NAV3: variants seen among roughly 807,000 people sequenced by gnomAD.
The protein encoded by NAV3 is pore membrane and/or filament interacting like protein 1.
A neutral mutation model predicts 244.7 loss-of-function variants in NAV3; 87 were observed. The ratio of observed to expected loss-of-function variants is 0.36; its 90% confidence interval spans 0.30 to 0.42. NAV3 has a LOEUF of 0.42. Among genes scored for constraint, NAV3 ranks in the 20% least tolerant of loss-of-function variants. NAV3 has a pLI of 1.00. For missense variants in NAV3, 2,663 were observed against 2,893.3 expected (o/e 0.92, Z 1.83); for synonymous variants, 1,126 against 1,042.2 (o/e 1.08, Z -1.55).
intron 2 of NAV3, among the ~76,000 whole-genome samples, chr12:77,629,387 G>A (rs1160467278): frequency 1.3e-5 from 2 of 152,190 alleles, no homozygotes; most frequent in African/African-American, 2.4e-5. Flanking sequence ...GTGTAATTGT[G>A]ATAACTGGCC....
intron 2 of NAV3, among the ~76,000 whole-genome samples, chr12:77,583,691 T>C (rs1333274347): frequency 6.6e-6 from 1 of 152,200 alleles, no homozygotes; most frequent in Non-Finnish European, 1.5e-5. Flanking sequence ...ACTAAGAGTA[T>C]ATGTGGATAT....
chr12:77,780,302 C>T (rs1397999202), intron 2 of NAV3, among the ~76,000 whole-genome samples: 6 of 152,088 alleles, frequency 3.9e-5, no homozygotes, highest in Non-Finnish European at 7.4e-5. Context: ...TAGGCAAGAG[C>T]CATTGTATTT....
intron 1 of NAV3, among the ~76,000 whole-genome samples, chr12:77,861,906 A>G (rs1029261168): frequency 1.3e-5 from 2 of 151,908 alleles, no homozygotes; most frequent in Non-Finnish European, 2.9e-5. Flanking sequence ...ATGTGAATAC[A>G]TATTAGGTAG....
chr12:77,974,886 T>C (rs938050264), intron 5 of NAV3, among the ~76,000 whole-genome samples: 1 of 152,178 alleles, frequency 6.6e-6, no homozygotes, highest in Non-Finnish European at 1.5e-5. Context: ...ACCAGCTATT[T>C]CCATCTTCCC....
chr12:77,587,717 C>T (rs1026439344), intron 2 of NAV3, among the ~76,000 whole-genome samples: 1 of 152,132 alleles, frequency 6.6e-6, no homozygotes, highest in South Asian at 2.1e-4. Flanking sequence ...GATTAGCATG[C>T]AGTTTAATGA....
intron 2 of NAV3, among the ~76,000 whole-genome samples, chr12:77,628,544 C>A (rs935465689): frequency 6.6e-6 from 1 of 152,082 alleles, no homozygotes; most frequent in South Asian, 2.1e-4. Context: ...CTATTAATTA[C>A]GTTATCTATT....
chr12:78,017,526 T>A (rs1432620018), intron 8 of NAV3, among the ~76,000 whole-genome samples: 2 of 152,180 alleles, frequency 1.3e-5, no homozygotes, highest in East Asian at 3.8e-4. Context: ...ATGACCATGT[T>A]GTAAATGCAC....
At chr12:77,942,657 GT>G (rs1252789074) in intron 3 of NAV3, among the ~76,000 whole-genome samples, 1 of 152,122 alleles carries the variant, frequency 6.6e-6, no homozygotes, top group Non-Finnish European at 1.5e-5. Flanking sequence ...GTAATAAGCT[GT>G]GTGATGTTGA....
At chr12:77,730,202 A>C (rs577271739) in intron 2 of NAV3, among the ~76,000 whole-genome samples, 1 of 152,108 alleles carries the variant, frequency 6.6e-6, no homozygotes, top group Non-Finnish European at 1.5e-5. Context: ...AAATGGGAAA[A>C]TCAGGAATAA....
chr12:77,699,730 C>G (rs1592595440), intron 2 of NAV3, among the ~76,000 whole-genome samples: 1 of 151,658 alleles, frequency 6.6e-6, no homozygotes, highest in Non-Finnish European at 1.5e-5. Flanking sequence ...TTGAACTTCC[C>G]TGGTGGCTCA....
chr12:77,983,398 GA>G (rs762178757), intron 5 of NAV3, among the ~76,000 whole-genome samples: 28 of 152,118 alleles, frequency 1.8e-4, no homozygotes, highest in Admixed American at 3.3e-4. Context: ...TTTCATTGAT[GA>G]ATTGAAATAT....
intron 2 of NAV3, among the ~76,000 whole-genome samples, chr12:77,825,252 A>G (rs1287166206): frequency 6.6e-6 from 1 of 152,178 alleles, no homozygotes; most frequent in Non-Finnish European, 1.5e-5. Context: ...ATGATACCAG[A>G]TAAAAATTTG....
intron 6 of NAV3, among the ~76,000 whole-genome samples, chr12:77,995,702 C>G (rs1474344634): frequency 6.6e-6 from 1 of 152,098 alleles, no homozygotes; most frequent in Admixed American, 6.6e-5. Context: ...CTTGCCTTGG[C>G]TTTCTAAGTT....
chr12:77,576,290 G>A (rs1405765377), intron 2 of NAV3, among the ~76,000 whole-genome samples: 3 of 150,096 alleles, frequency 2.0e-5, no homozygotes, highest in African/African-American at 7.3e-5. Flanking sequence ...TTTTTTTTTT[G>A]GACTGAAAAT....
chr12:78,055,876 G>A (rs1243416357), intron 11 of NAV3, among the ~76,000 whole-genome samples: 1 of 152,128 alleles, frequency 6.6e-6, no homozygotes, highest in Admixed American at 6.5e-5. Flanking sequence ...AGTCTCTGCT[G>A]AACTCACTAA....
chr12:77,965,332 C>A (rs1031099171), intron 3 of NAV3, among the ~76,000 whole-genome samples: 8 of 152,050 alleles, frequency 5.3e-5, no homozygotes, highest in Non-Finnish European at 1.2e-4. Context: ...CATTTAAAAT[C>A]CATGGGGCCT....
At chr12:77,959,584 A>G (rs1233016816) in intron 3 of NAV3, among the ~76,000 whole-genome samples, 1 of 152,090 alleles carries the variant, frequency 6.6e-6, no homozygotes, top group Non-Finnish European at 1.5e-5. Flanking sequence ...TGACTCTTCT[A>G]AGTAATTATA....
At chr12:77,618,904 A>G (rs562508360) in intron 2 of NAV3, among the ~76,000 whole-genome samples, 1 of 152,346 alleles carries the variant, frequency 6.6e-6, no homozygotes, top group Admixed American at 6.5e-5. Context: ...TCTAATATCC[A>G]AAGGGCTTAT....
At chr12:78,121,873 C>T in intron 15 of NAV3, 67 bp from the exon 16 acceptor site, 1 of 1,578,726 alleles carries the variant, frequency 6.3e-7, no homozygotes, top group Non-Finnish European at 8.6e-7. Context: ...TGTACTGTAA[C>T]CCGAAATATT....
Sources: gnomAD v4.1 joint callset for allele counts (sites outside exome capture counted in the v4.1 genomes callset) on GRCh38, gnomAD v4.1.1 for gene constraint, MANE v1.5 for transcripts, NCBI Gene and HGNC (gene_info 2026-07-23, HGNC 2026-07-21) for gene names.